The following EFCAB6 variants were observed in gnomAD, a reference collection of about 807,000 sequenced individuals.
The protein encoded by EFCAB6 is EF-hand calcium-binding domain-containing protein 6.
A neutral mutation model predicts 169.8 loss-of-function variants in EFCAB6; 156 were observed. The observed-to-expected ratio is 0.92, with a 90% CI of 0.81 to 1.05. The LOEUF (loss-of-function observed/expected upper bound fraction) is 1.05. Ranked by LOEUF, EFCAB6 falls within the 50% of genes least tolerant of loss-of-function variation. The probability of loss-of-function intolerance (pLI) is 0.00; values close to 1 mark genes in which losing one functional copy is unlikely to be tolerated. For missense variants in EFCAB6, 1,800 were observed against 1,829.1 expected, an observed-to-expected ratio of 0.98 and a Z score of 0.29; for synonymous variants, 698 against 676.4, an observed-to-expected ratio of 1.03 and a Z score of -0.50.
At chr22:43,768,301 A>G (rs2061377582) in intron 4 of EFCAB6, among the ~76,000 whole-genome samples, 1 of 152,248 alleles carries the variant, frequency 6.6e-6, no homozygotes. Flanking sequence ...CATTCCTGAC[A>G]CAGGTCTTCA....
At chr22:43,740,986 C>T (rs953333883) in intron 6 of EFCAB6, among the ~76,000 whole-genome samples, 18 of 152,190 alleles carry the variant, frequency 1.2e-4, no homozygotes, top group African/African-American at 7.2e-5. Context: ...ACCAGAGCGA[C>T]GTCTCCAAGG....
intron 20 of EFCAB6, among the ~76,000 whole-genome samples, chr22:43,624,619 A>G (rs2054367290): frequency 6.6e-6 from 1 of 152,172 alleles, no homozygotes; most frequent in South Asian, 2.1e-4. Flanking sequence ...TTCAAGGTCC[A>G]GCTCAAACGT....
intron 27 of EFCAB6, chr22:43,552,813 A>G (rs2048458508): frequency 6.6e-6 from 1 of 152,196 alleles, no homozygotes; most frequent in Admixed American, 6.5e-5. Context: ...AATTAAAAAA[A>G]TCTTTATTAG....
intron 20 of EFCAB6, among the ~76,000 whole-genome samples, chr22:43,620,045 C>T (rs1278676684): frequency 1.3e-5 from 2 of 152,196 alleles, no homozygotes; most frequent in Non-Finnish European, 2.9e-5. Flanking sequence ...TGGTCTGGCG[C>T]AATGGCTCAT....
chr22:43,726,599 G>C (rs1393697657), intron 8 of EFCAB6, among the ~76,000 whole-genome samples: 3 of 152,214 alleles, frequency 2.0e-5, no homozygotes, highest in Non-Finnish European at 2.9e-5. Flanking sequence ...ATAAATTCAG[G>C]CTCTTACCAG....
intron 3 of EFCAB6, among the ~76,000 whole-genome samples, chr22:43,779,991 A>G (rs545574207): frequency 1.3e-5 from 2 of 152,318 alleles, no homozygotes; most frequent in African/African-American, 4.8e-5. Flanking sequence ...TAAACTTGAG[A>G]AAAAAAGTTA....
intron 22 of EFCAB6, among the ~76,000 whole-genome samples, chr22:43,605,004 A>C (rs2052807230): frequency 6.6e-6 from 1 of 152,130 alleles, no homozygotes. Flanking sequence ...TTTTAGATTC[A>C]AAGAGTTGAA....
chr22:43,544,020 C>T (rs2047899339), intron 27 of EFCAB6, among the ~76,000 whole-genome samples: 1 of 151,950 alleles, frequency 6.6e-6, no homozygotes, highest in Admixed American at 6.6e-5. Context: ...CCTGCCCAGC[C>T]CTCACCTCCC....
Position 43,580,450 on chromosome 22 carries a change from T to C in EFCAB6, c.3228+14A>G. On this transcript the variant is annotated intron_variant, in intron 25 of 31. Coordinates refer to ENST00000262726, the MANE Select transcript of EFCAB6 (RefSeq NM_022785.4). ...GATGAGTTTTCACAGTAAAGCACTT[T>C]CAGCCTGTCATACCGTGGACAAAGC... The C allele has an allele frequency of 6.2e-7, 1 of 1,612,900 alleles. No homozygotes were observed. Among genetic ancestry groups the C allele is most frequent in the Non-Finnish European group, 8.5e-7 (1 of 1,179,480 alleles).
At position 43,636,321 on chromosome 22, in the gene EFCAB6, G is replaced by A. The variant is rs549564482; in HGVS notation, c.1984-1105C>T. Among the ~76,000 whole-genome samples the A allele has an allele frequency of 7.9e-5, 12 of 152,318 alleles. No homozygotes were observed. In the South Asian group the frequency reaches 1.2e-3, roughly 16 times the overall value. On this transcript the variant is annotated intron_variant, in intron 17 of 31. Coordinates refer to ENST00000262726, the MANE Select transcript of EFCAB6 (RefSeq NM_022785.4). ...GCGGTGCTCACTGCATTCAGCGGAAGAGGCGGCTGGGGAGGGAACGGAGGG... is the reference window on the plus strand; with the variant it reads ...GCGGTGCTCACTGCATTCAGCGGAAAAGGCGGCTGGGGAGGGAACGGAGGG...
At chr22:43,534,983 G>T in intron 29 of EFCAB6, 111 bp from the exon 30 acceptor site, 1 of 1,180,476 alleles carries the variant, frequency 8.5e-7, no homozygotes, top group Non-Finnish European at 1.2e-6. Context: ...CCCTGGCTTG[G>T]TCCTCACATC....
At chr22:43,682,746 G>A (rs914879778) in intron 12 of EFCAB6, among the ~76,000 whole-genome samples, 2 of 152,330 alleles carry the variant, frequency 1.3e-5, no homozygotes, top group South Asian at 4.1e-4. Flanking sequence ...TTTAGTGAGT[G>A]TATATATCGC....
chr22:43,609,944 G>A (rs2053189892), intron 21 of EFCAB6, among the ~76,000 whole-genome samples: 1 of 152,168 alleles, frequency 6.6e-6, no homozygotes, highest in African/African-American at 2.4e-5. Context: ...CCAGGGGAAG[G>A]GGGACTTCAC....
chr22:43,593,950 C>A (rs1412103074), intron 23 of EFCAB6, among the ~76,000 whole-genome samples: 1 of 152,066 alleles, frequency 6.6e-6, no homozygotes, highest in African/African-American at 2.4e-5. Context: ...CATATGCAGC[C>A]CAATTTTTTT....
At chr22:43,634,306 C>A (rs2037809221) in intron 18 of EFCAB6, among the ~76,000 whole-genome samples, 1 of 152,144 alleles carries the variant, frequency 6.6e-6, no homozygotes, top group South Asian at 2.1e-4. Flanking sequence ...TCTCATGATG[C>A]CATTTTTCAG....
At position 43,530,907 on chromosome 22, in the gene EFCAB6, T is replaced by G. The variant is rs529660338; in HGVS notation, c.4291A>C (p.Lys1431Gln). ...ATTGGCCTCCAGCAGTGCACAATTT[T>G]GGGCTGAATACGCAGCAGAGCAGAG... ...FYSALLRIQPKIVHCWRPMRR... is the reference protein window; with the variant it reads ...FYSALLRIQPQIVHCWRPMRR... Residue 1431 changes from lysine to glutamine, a missense_variant, in exon 31 of 32, where the codon AAA becomes CAA. Coordinates refer to ENST00000262726, the MANE Select transcript of EFCAB6 (RefSeq NM_022785.4). 2 of 1,614,244 alleles carry G rather than the reference T, an allele frequency of 1.2e-6. No homozygotes were observed. The highest frequency in any genetic ancestry group is 2.2e-5 in the South Asian group (2 of 91,086).
Position 43,635,180 on chromosome 22 carries a change from G to C in EFCAB6, c.2020C>G (p.Gln674Glu), listed in dbSNP as rs751375957. ...EDTGMPMDDD[Q>E]YALLTTKIGF... ...ATTTTAGTGGTCAGCAGGGCATACTGATCATCGTCCATGGGCATCCCAGTG... is the reference window on the plus strand; with the variant it reads ...ATTTTAGTGGTCAGCAGGGCATACTCATCATCGTCCATGGGCATCCCAGTG... The change falls in exon 18 of 32, where the codon CAG becomes GAG. Residue 674 changes from glutamine to glutamate, a missense_variant. Coordinates refer to ENST00000262726, the MANE Select transcript of EFCAB6 (RefSeq NM_022785.4). 1.2e-6 allele frequency: 2 copies of C among 1,614,132 alleles called. No homozygotes were observed. Among genetic ancestry groups the C allele is most frequent in the Non-Finnish European group, 8.5e-7 (1 of 1,180,014 alleles).
intron 6 of EFCAB6, among the ~76,000 whole-genome samples, chr22:43,749,086 G>A (rs772352976): frequency 4.2e-4 from 64 of 152,270 alleles, no homozygotes; most frequent in Middle Eastern, 3.4e-3. Context: ...AGAAGTGTCC[G>A]GGTTTGGGAT....
chr22:43,661,223 T>A (rs935523438), intron 17 of EFCAB6, among the ~76,000 whole-genome samples: 1 of 151,992 alleles, frequency 6.6e-6, no homozygotes, highest in Non-Finnish European at 1.5e-5. Context: ...AAAAAATTTT[T>A]AAAAATTATT....
Sources: gnomAD v4.1 joint callset for allele counts (sites outside exome capture counted in the v4.1 genomes callset) on GRCh38, gnomAD v4.1.1 for gene constraint, MANE v1.5 for transcripts, NCBI Gene and HGNC (gene_info 2026-07-23, HGNC 2026-07-21) for gene names.